Variants in GUCY2D observed in about 807,000 individuals in gnomAD.
GUCY2D encodes guanylate cyclase 2D, retinal, also known as retinal guanylyl cyclase 1.
A neutral mutation model predicts 101.3 loss-of-function variants in GUCY2D; 70 were observed. The observed-to-expected ratio is 0.69, with a 90% CI of 0.57 to 0.84. The LOEUF (loss-of-function observed/expected upper bound fraction) is 0.84, where lower values mean the gene tolerates loss of function less well. Ranked by LOEUF, GUCY2D falls within the 40% of genes least tolerant of loss-of-function variation. The pLI, the probability that GUCY2D is intolerant of heterozygous loss-of-function variation, is 0.00. For synonymous variants in GUCY2D, 688 were observed against 670.7 expected, an observed-to-expected ratio of 1.03 and a Z score of -0.40; for missense variants, 1,460 against 1,542.5, an observed-to-expected ratio of 0.95 and a Z score of 0.90.
rs918147589 is a variant in GUCY2D at position 8,012,137 on chromosome 17, C to T, written c.1750-7C>T. On this transcript the variant is annotated splice_polypyrimidine_tract_variant and splice_region_variant and intron_variant, in intron 8 of 19. Coordinates refer to ENST00000254854, the MANE Select transcript of GUCY2D (RefSeq NM_000180.4). ...CAGAAAATGCAAGTCAACTCTCCCC[C>T]TCTCAGCTCCAGGAGCTCCGGCATG... 6.2e-7 allele frequency: 1 copy of T among 1,610,008 alleles called. No homozygotes were observed. The highest frequency in any genetic ancestry group is 1.7e-5 in the Admixed American group (1 of 60,026).
intron 3 of GUCY2D, among the ~76,000 whole-genome samples, 166 bp downstream of exon 3, chr17:8,004,322 T>A (rs1249382904): frequency 6.6e-6 from 1 of 152,206 alleles, no homozygotes; most frequent in African/African-American, 2.4e-5. Flanking sequence ...TCTCTTAGTG[T>A]ACGAGGATTG....
In GUCY2D at chr17:8,011,778, A is replaced by G. The variant is rs921999670; in HGVS notation, c.1750-366A>G. Among the ~76,000 whole-genome samples the G allele has an allele frequency of 6.6e-6, 1 of 152,148 alleles. No individual in the cohort carries two copies. Among genetic ancestry groups the G allele is most frequent in the African/African-American group, 2.4e-5 (1 of 41,424 alleles). On this transcript the variant is annotated intron_variant, in intron 8 of 19. Transcript: ENST00000254854. This position sits in a 1 kb window ranked among gnomAD's most constrained non-coding sequence, Gnocchi z 4.3. ...AAGGAATGAAAGGTAGCAGTGATTT[A>G]TGATCATGCCGCTGCACTCCAGTCT...
Position 8,016,530 on chromosome 17 carries a change from A to G in GUCY2D, c.3312A>G (p.Ter1104TrpextTer31). The G allele has an allele frequency of 6.4e-7, 1 of 1,555,862 alleles. No homozygotes were observed. The highest frequency in any genetic ancestry group is 8.7e-7 in the Non-Finnish European group (1 of 1,149,588). The change falls in exon 19 of 20, where the codon TGA becomes TGG. Residue 1104 changes from the stop codon to tryptophan (W), a stop_lost. Transcript: ENST00000254854. ...LEKARPGQFS[*>W] Reference sequence around the variant, plus strand: ...AGGCGCGGCCGGGCCAGTTCTCTTGAGAAGTGAGGCCCGGCCCCGGACAGG... The same window carrying G: ...AGGCGCGGCCGGGCCAGTTCTCTTGGGAAGTGAGGCCCGGCCCCGGACAGG...
At chr17:8,008,520 A>C (rs1354801461) in intron 7 of GUCY2D, among the ~76,000 whole-genome samples, 1 of 152,204 alleles carries the variant, frequency 6.6e-6, no homozygotes, top group Non-Finnish European at 1.5e-5. Flanking sequence ...AATGCGGTCA[A>C]GTGGAGGGGA....
intron 5 of GUCY2D, 43 bp from the exon 6 acceptor site, chr17:8,007,383 G>T: frequency 7.5e-7 from 1 of 1,332,982 alleles, no homozygotes; most frequent in Non-Finnish European, 1.1e-6. Flanking sequence ...CTCTTCTGAC[G>T]GAACTTGGTG....
rs1246455684 is a variant in GUCY2D at position 8,006,683 on chromosome 17, C to T, written c.1347C>T (p.Cys449=). The change falls in exon 4 of 20, where the codon TGC becomes TGT. Residue 449 remains cysteine (C), a synonymous_variant. Transcript: ENST00000254854. The part of the protein sequence containing the change: ...GGSAPGPDPS[C]WFDPNNICGG... ...CAGCACCCGGACCTGACCCCTCGTG[C>T]TGGTTCGATCCAAACAACATCTGCG... The T allele has an allele frequency of 1.2e-6, 2 of 1,610,290 alleles. No individual in the cohort carries two copies. The highest frequency in any genetic ancestry group is 2.7e-5 in the African/African-American group (2 of 74,892).
At position 8,012,312 on chromosome 17, in the gene GUCY2D, T is replaced by C. The variant is rs1281795950; in HGVS notation, c.1918T>C (p.Trp640Arg). 1.2e-6 allele frequency: 2 copies of C among 1,612,958 alleles called. No homozygotes were observed. The highest frequency in any genetic ancestry group is 2.2e-5 in the South Asian group (2 of 91,044). ...CGCTCAGAGAGAAATAAAGCTGGAC[T>C]GGATGTTCAAGTCCTCCCTCCTGCT... ...LLAQREIKLD[W>R]MFKSSLLLDL... Residue 640 changes from tryptophan to arginine, a missense_variant, in exon 9 of 20, where the codon TGG becomes CGG. Trp to Arg is a moderately radical substitution (Grantham distance 101, BLOSUM62 -3). Around this residue, in one of 3 missense-constraint regions of GUCY2D, gnomAD observed 1,196 missense variants for 1,229.6 expected, o/e 0.97. Transcript: ENST00000254854.
In GUCY2D at chr17:8,014,488, G is replaced by A; in HGVS notation, c.2413-113G>A. ...GATGAATAGTAGATGAATGGTGGCA[G>A]CGGGGTTGGGGTTCAGAGTGAACAG... On this transcript the variant is annotated intron_variant, in intron 12 of 19. Transcript: ENST00000254854. The surrounding 1 kb of genome is among the most constrained non-coding windows in gnomAD (Gnocchi z 4.0). The A allele has an allele frequency of 1.0e-6, 1 of 960,614 alleles. No homozygotes were observed. Among genetic ancestry groups the A allele is most frequent in the Non-Finnish European group, 1.7e-6 (1 of 593,806 alleles). 59.5% of individuals were successfully genotyped at this position (960,614 alleles called of 1,614,324 possible). A position where few individuals can be genotyped will look rare whatever the true frequency, so the allele number is the denominator to read the frequency against.
rs935195316 is a variant in GUCY2D, at chr17:8,012,545, C to T, written c.2052C>T (p.Asp684=). 2.5e-6 allele frequency: 4 copies of T among 1,613,940 alleles called. No individual in the cohort carries two copies. The highest frequency in any genetic ancestry group is 3.4e-6 in the Non-Finnish European group (4 of 1,179,868). ...VDGRFVLKIT[D]HGHGRLLEAQ... is the part of the protein sequence containing the mutation. Reference sequence around the variant, plus strand: ...GCAGATTCGTACTCAAGATCACTGACCACGGCCACGGGAGACTGCTGGAAG... The same window carrying T: ...GCAGATTCGTACTCAAGATCACTGATCACGGCCACGGGAGACTGCTGGAAG... The change falls in exon 10 of 20, where the codon GAC becomes GAT. Residue 684 remains aspartate, a synonymous_variant. Coordinates refer to ENST00000254854, the MANE Select transcript of GUCY2D (RefSeq NM_000180.4).
In GUCY2D at chr17:8,012,257, C is replaced by T; in HGVS notation, c.1863C>T (p.His621=). ...GCAACCTGGCTGTGGTCTCAGAGCA[C>T]TGCACGCGGGGCTCTCTTCAGGACC... is the stretch of plus-strand genomic sequence containing the variant. ...WEGNLAVVSE[H]CTRGSLQDLL... is the part of the protein sequence containing the mutation. Residue 621 remains histidine (H), a synonymous_variant, in exon 9 of 20, where the codon CAC becomes CAT. Transcript: ENST00000254854. The T allele has an allele frequency of 6.2e-7, 1 of 1,614,048 alleles. No individual in the cohort carries two copies. Among genetic ancestry groups the T allele is most frequent in the Admixed American group, 1.7e-5 (1 of 60,024 alleles).
rs764715821 is a variant in GUCY2D at position 8,013,279 on chromosome 17, G to A, written c.2263+27G>A. 1.1e-5 allele frequency: 17 copies of A among 1,609,900 alleles called. No individual in the cohort carries two copies. The highest frequency in any genetic ancestry group is 6.7e-5 in the African/African-American group (5 of 74,830). On this transcript the variant is annotated intron_variant, in intron 11 of 19. Coordinates refer to ENST00000254854, the MANE Select transcript of GUCY2D (RefSeq NM_000180.4). The surrounding 1 kb of genome is among the most constrained non-coding windows in gnomAD (Gnocchi z 5.0). ...TAAGGCTGCCCTGTGCGTGGAGTTC[G>A]GCCCACAGGGGCACCCTGCAGTTAG...
chr17:8,003,420 G>A lies in GUCY2D; in HGVS notation c.373G>A (p.Val125Met), dbSNP rs1422936516. The change falls in exon 2 of 20, where the codon GTG becomes ATG. Residue 125 changes from valine (V) to methionine (M), a missense_variant. This residue lies in a region of GUCY2D where 1,196 missense variants were observed against 1,229.6 expected (regional missense o/e 0.97). Coordinates refer to ENST00000254854, the MANE Select transcript of GUCY2D (RefSeq NM_000180.4). ...SSALARVSGL[V>M]GPVNPAACRP... ...CGCGCTGGCCCGCGTGTCGGGCCTC[G>A]TGGGTCCGGTGAACCCTGCGGCCTG... 1 of 1,505,376 alleles carries A rather than the reference G, an allele frequency of 6.6e-7. No individual in the cohort carries two copies. The highest frequency in any genetic ancestry group is 8.8e-7 in the Non-Finnish European group (1 of 1,134,190). The allele number at this position is 1,505,376 out of a possible 1,614,324, so 93.3% of individuals were successfully genotyped here.
At chr17:8,016,355 A>AC (rs1567962557) in intron 18 of GUCY2D, 65 bp downstream of exon 18, 6 of 1,437,486 alleles carry the variant, frequency 4.2e-6, no homozygotes, top group Non-Finnish European at 5.7e-6. Flanking sequence ...TCTGTGTCTG[A>AC]CCCCCCGCGC....
chr17:8,019,374 C>T (rs1286704268), intron 19 of GUCY2D, among the ~76,000 whole-genome samples: 1 of 152,208 alleles, frequency 6.6e-6, no homozygotes, highest in African/African-American at 2.4e-5. Flanking sequence ...GGCAGGGCTC[C>T]TCCCGGAAGC....
Position 8,007,475 on chromosome 17 carries a change from C to T in GUCY2D, c.1513C>T (p.Leu505=), listed in dbSNP as rs146849545. The change falls in exon 6 of 20, where the codon CTG becomes TTG. Residue 505 remains leucine (L), a synonymous_variant. Transcript: ENST00000254854. ...QMVSGPNKII[L]TVDDITFLHP... ...GGTCTCCGGCCCCAACAAGATCATC[C>T]TGACCGTGGACGACATCACCTTTCT... 379 of 1,613,830 alleles carry T rather than the reference C, an allele frequency of 2.3e-4. 1 individual carries two copies. The African/African-American group carries it at 4.5e-3, about 19-fold the overall frequency.
intron 10 of GUCY2D, 133 bp from the exon 11 acceptor site, chr17:8,012,970 G>A: frequency 1.4e-6 from 1 of 732,330 alleles, no homozygotes; most frequent in East Asian, 2.7e-5. Flanking sequence ...TAGTTGCAGG[G>A]CTGGTCTCAG....
rs200241218 is a variant in GUCY2D, at chr17:8,012,153, C to G, written c.1759C>G (p.Leu587Val). 109 of 1,613,028 alleles carry G rather than the reference C, an allele frequency of 6.8e-5. No individual in the cohort carries two copies. Among genetic ancestry groups the G allele is most frequent in the Middle Eastern group, 1.7e-4 (1 of 5,760 alleles). ...ACTCTCCCCCTCTCAGCTCCAGGAGCTCCGGCATGAGAACGTGGCCCTCTA... is the reference window on the plus strand; with the variant it reads ...ACTCTCCCCCTCTCAGCTCCAGGAGGTCCGGCATGAGAACGTGGCCCTCTA... Reference protein sequence around the residue: ...TKTAFSKLQELRHENVALYLG... With the variant: ...TKTAFSKLQEVRHENVALYLG... Residue 587 changes from leucine to valine, a missense_variant, in exon 9 of 20, where the codon CTC becomes GTC. Physicochemically the swap from Leu to Val is conservative, Grantham distance 32. This residue lies in a region of GUCY2D where 1,196 missense variants were observed against 1,229.6 expected (regional missense o/e 0.97). Coordinates refer to ENST00000254854, the MANE Select transcript of GUCY2D (RefSeq NM_000180.4).
chr17:8,005,865 GGTTTTTTGTTT>G (rs1012112246), intron 3 of GUCY2D, among the ~76,000 whole-genome samples: 5 of 152,116 alleles, frequency 3.3e-5, no homozygotes, highest in African/African-American at 9.7e-5. Context: ...CAATAGAGAA[GGTTTTTTGTTT>G]GTTTTTTGTT....
At chr17:8,010,631 C>T (rs1042891249) in intron 8 of GUCY2D, among the ~76,000 whole-genome samples, 3 of 151,118 alleles carry the variant, frequency 2.0e-5, no homozygotes, top group Admixed American at 1.3e-4. Context: ...ACGGTGAAAC[C>T]CCGTCTCTAC....
Sources: gnomAD v4.1 joint callset for allele counts (sites outside exome capture counted in the v4.1 genomes callset) on GRCh38, gnomAD v4.1.1 for gene constraint, gnomAD v4.1.1 regional missense constraint, Gnocchi (gnomAD v3.1) non-coding constraint, MANE v1.5 for transcripts, NCBI Gene and HGNC (gene_info 2026-07-23, HGNC 2026-07-21) for gene names.